Variants in NUP35 observed in about 807,000 individuals in gnomAD.
The protein encoded by NUP35 is nucleoporin 35, also known as nucleoporin NUP35.
A neutral mutation model predicts 41.5 loss-of-function variants in NUP35; 25 were observed. The ratio of observed to expected loss-of-function variants is 0.60; its 90% CI spans 0.44 to 0.84. The LOEUF (loss-of-function observed/expected upper bound fraction) is 0.84. Among genes scored for constraint, NUP35 ranks in the 40% least tolerant of loss-of-function variants. The probability of loss-of-function intolerance (pLI) is 0.00; values close to 1 mark genes in which losing one functional copy is unlikely to be tolerated. For synonymous variants in NUP35, 149 were observed against 130.7 expected (o/e 1.14, Z -0.96); for missense variants, 396 against 396.6 (o/e 1.00, Z 0.01).
In NUP35 at chr2:183,135,333, C is replaced by G. The variant is rs114617235; in HGVS notation, c.397+1710C>G. ...GGGAGGTAGGGAATAGTATTCTAGA[C>G]GGAGGGAACAGTGTGTCTGGGGTGT... On this transcript the variant is annotated intron_variant, in intron 4 of 8. Coordinates refer to ENST00000295119, the MANE Select transcript of NUP35 (RefSeq NM_138285.5). Among the ~76,000 whole-genome samples, 659 of 152,064 alleles carry G rather than the reference C, an allele frequency of 4.3e-3. 6 individuals carry two copies. Among genetic ancestry groups the G allele is most frequent in the African/African-American group, 0.015 (629 of 41,490 alleles).
intron 4 of NUP35, among the ~76,000 whole-genome samples, chr2:183,143,571 G>C (rs1685177116): frequency 6.6e-6 from 1 of 152,176 alleles, no homozygotes; most frequent in African/African-American, 2.4e-5. Context: ...GTCTTCTGCT[G>C]TCAGACTCAT....
At position 183,161,103 on chromosome 2, in the gene NUP35, A is replaced by G. The variant is rs768490005; in HGVS notation, c.953A>G (p.Lys318Arg). 1.2e-6 allele frequency: 2 copies of G among 1,613,368 alleles called. No individual in the cohort carries two copies. Among genetic ancestry groups the G allele is most frequent in the East Asian group, 2.2e-5 (1 of 44,824 alleles). ...TPKKDESLVS[K>R]AMEYMFGW ...AAAAAAGATGAAAGTCTTGTATCCA[A>G]AGCAATGGAGTACATGTTTGGCTGG... is the stretch of plus-strand genomic sequence containing the variant. The change falls in exon 9 of 9, where the codon AAA (lysine) becomes AGA (arginine). Residue 318 changes from lysine (K) to arginine (R), a missense_variant. Lys to Arg is a conservative substitution (Grantham distance 26). Transcript: ENST00000295119.
chr2:183,147,726 G>T (rs1302277161), intron 4 of NUP35, among the ~76,000 whole-genome samples: 1 of 152,098 alleles, frequency 6.6e-6, no homozygotes, highest in African/African-American at 2.4e-5. Context: ...AATGATGTTG[G>T]TTATTTGATA....
chr2:183,124,799 C>T (rs557122561), intron 1 of NUP35, among the ~76,000 whole-genome samples: 1 of 152,312 alleles, frequency 6.6e-6, no homozygotes, highest in Admixed American at 6.5e-5. Flanking sequence ...ATACCTTAAC[C>T]TCCTTCTGAT....
intron 5 of NUP35, among the ~76,000 whole-genome samples, chr2:183,154,618 C>T (rs13414878): frequency 0.29 from 44,271 of 151,958 alleles, 6,934 homozygotes; most frequent in Middle Eastern, 0.38. Context: ...CAGCTTGGAA[C>T]TTATTGTTCA....
At position 183,130,408 on chromosome 2, in the gene NUP35, T is replaced by C; in HGVS notation, c.212-10T>C. On this transcript the variant is annotated splice_polypyrimidine_tract_variant and intron_variant, in intron 2 of 8. Coordinates refer to ENST00000295119, the MANE Select transcript of NUP35 (RefSeq NM_138285.5). ...ATCCCTTTTTTTTTTTTTTTTTTTG[T>C]ACACTGTAGGTGGGTCACCACCACA... 1 of 1,353,248 alleles carries C rather than the reference T, an allele frequency of 7.4e-7. No individual in the cohort carries two copies. The highest frequency in any genetic ancestry group is 1.6e-5 in the South Asian group (1 of 60,798). The allele number at this position is 1,353,248 out of a possible 1,614,324, so 83.8% of individuals were successfully genotyped here. A position where few individuals can be genotyped will look rare whatever the true frequency, so the allele number is the denominator to read the frequency against.
chr2:183,137,322 C>T (rs1684909275), intron 4 of NUP35, among the ~76,000 whole-genome samples: 1 of 152,076 alleles, frequency 6.6e-6, no homozygotes, highest in Admixed American at 6.6e-5. Context: ...TGCCAGGTGC[C>T]ACTGGCTCAT....
chr2:183,123,948 C>A, upstream of NUP35: 2 of 423,110 alleles, frequency 4.7e-6, no homozygotes, highest in Non-Finnish European at 6.3e-6. Flanking sequence ...AAATTGTCTA[C>A]ATAACACAAA....
At chr2:183,122,371 C>T (rs569747819), upstream of NUP35, among the ~76,000 whole-genome samples, 24 of 152,174 alleles carry the variant, frequency 1.6e-4, no homozygotes, top group African/African-American at 5.3e-4. Flanking sequence ...CCACCATGCC[C>T]GGCTGGTGCA....
chr2:183,138,669 A>G (rs2105570163), intron 4 of NUP35, among the ~76,000 whole-genome samples: 1 of 151,948 alleles, frequency 6.6e-6, no homozygotes, highest in African/African-American at 2.4e-5. Flanking sequence ...GCTGCAATTT[A>G]AGTTTTCTTC....
chr2:183,122,275 A>T (rs1700079605), upstream of NUP35, among the ~76,000 whole-genome samples: 4 of 151,744 alleles, frequency 2.6e-5, no homozygotes, highest in South Asian at 6.2e-4. Flanking sequence ...ATGGGGTTTC[A>T]CCATGTTGGC....
At chr2:183,160,897 A>C in intron 8 of NUP35, 157 bp from the exon 9 acceptor site, 1 of 522,744 alleles carries the variant, frequency 1.9e-6, no homozygotes, top group Non-Finnish European at 3.5e-6. Context: ...CCTGGCTAAC[A>C]CGGTGAAACC....
chr2:183,133,035 A>T (rs1389132187), intron 3 of NUP35, among the ~76,000 whole-genome samples: 2 of 152,180 alleles, frequency 1.3e-5, no homozygotes, highest in African/African-American at 4.8e-5. Flanking sequence ...AAACTATTTT[A>T]ATCCTTAATT....
At chr2:183,143,367 A>G (rs1406075025) in intron 4 of NUP35, among the ~76,000 whole-genome samples, 2 of 151,930 alleles carry the variant, frequency 1.3e-5, no homozygotes, top group Non-Finnish European at 1.5e-5. Flanking sequence ...AAGTGTGTGC[A>G]TAGGATTCGG....
chr2:183,127,153 A>G (rs1254371256), intron 1 of NUP35, among the ~76,000 whole-genome samples: 2 of 152,090 alleles, frequency 1.3e-5, no homozygotes, highest in Non-Finnish European at 2.9e-5. Context: ...TATATAGCTC[A>G]CTCATCTTCA....
At chr2:183,142,467 G>A (rs1448851861) in intron 4 of NUP35, among the ~76,000 whole-genome samples, 4 of 149,614 alleles carry the variant, frequency 2.7e-5, no homozygotes, top group African/African-American at 9.8e-5. Context: ...TTTTTTTTTG[G>A]TGGGGGGTGG....
chr2:183,158,445 A>G (rs1169202457), intron 7 of NUP35, 34 bp downstream of exon 7: 1 of 1,552,118 alleles, frequency 6.4e-7, no homozygotes, highest in East Asian at 2.3e-5. Flanking sequence ...AAGTAGCTTA[A>G]TCTATATGAA....
At chr2:183,119,087 A>G (rs2105521933) in intron 1 of NUP35, 1 of 152,222 alleles carries the variant, frequency 6.6e-6, no homozygotes, top group South Asian at 2.1e-4. Flanking sequence ...CCACTTTCCC[A>G]ACTCCTTGGA....
intron 4 of NUP35, among the ~76,000 whole-genome samples, chr2:183,144,486 A>G (rs1313838464): frequency 2.0e-5 from 3 of 152,228 alleles, no homozygotes; most frequent in African/African-American, 7.2e-5. Context: ...GTATCTATTT[A>G]AAATTTACTA....
Sources: gnomAD v4.1 joint callset for allele counts (sites outside exome capture counted in the v4.1 genomes callset) on GRCh38, gnomAD v4.1.1 for gene constraint, MANE v1.5 for transcripts, NCBI Gene and HGNC (gene_info 2026-07-23, HGNC 2026-07-21) for gene names.